PPP2R3A: variants seen among roughly 807,000 people sequenced by gnomAD.
PPP2R3A encodes the protein serine/threonine-protein phosphatase 2A regulatory subunit B'' subunit alpha.
PPP2R3A carries 80 observed loss-of-function variants against 106.9 expected under a neutral mutation model. That is an observed-to-expected ratio of 0.75 (90% CI 0.62 to 0.90). PPP2R3A has a LOEUF of 0.90. Ranked by LOEUF, PPP2R3A falls within the 40% of genes least tolerant of loss-of-function variation. PPP2R3A has a pLI of 0.00. For synonymous variants in PPP2R3A, 483 were observed against 468.3 expected (o/e 1.03, Z -0.41); for missense variants, 1,386 against 1,350.4 (o/e 1.03, Z -0.41).
chr3:136,142,198 C>T (rs1366210509), intron 13 of PPP2R3A, among the ~76,000 whole-genome samples: 1 of 152,144 alleles, frequency 6.6e-6, no homozygotes, highest in Admixed American at 6.5e-5. Flanking sequence ...GACGCACTGG[C>T]ATTGAAGGAG....
chr3:136,072,008 C>T (rs747099060), intron 6 of PPP2R3A, among the ~76,000 whole-genome samples: 4 of 151,990 alleles, frequency 2.6e-5, no homozygotes, highest in Non-Finnish European at 5.9e-5. Flanking sequence ...CTTCCTCTGC[C>T]CCCTCCCCCT....
chr3:136,040,212 T>C (rs187635926), intron 3 of PPP2R3A, among the ~76,000 whole-genome samples: 65 of 152,322 alleles, frequency 4.3e-4, no homozygotes, highest in Non-Finnish European at 7.4e-4. Context: ...TGACATTCAG[T>C]CATTTCTTTT....
At chr3:136,042,980 T>C (rs1202007764) in intron 4 of PPP2R3A, among the ~76,000 whole-genome samples, 2 of 152,062 alleles carry the variant, frequency 1.3e-5, no homozygotes, top group Non-Finnish European at 2.9e-5. Flanking sequence ...ATTTTTTTTT[T>C]TTGTAACATT....
At chr3:136,017,983 T>C (rs1247236758) in intron 2 of PPP2R3A, among the ~76,000 whole-genome samples, 2 of 152,190 alleles carry the variant, frequency 1.3e-5, no homozygotes, top group African/African-American at 4.8e-5. Context: ...AATAAAGGGC[T>C]AGGCCAGGCA....
rs1168402837 is a variant in PPP2R3A, at chr3:136,040,921, A to G, written c.2325A>G (p.Thr775=). 9.3e-6 allele frequency: 15 copies of G among 1,613,668 alleles called. No homozygotes were observed. The highest frequency in any genetic ancestry group is 1.7e-5 in the Admixed American group (1 of 59,962). ...TCAGGGCTGCAGGGGGAGAGAAGAC[A>G]GGATTTGTGACAGCACAGTCATTCA... is the stretch of plus-strand genomic sequence containing the variant. ...PMFRAAGGEK[T]GFVTAQSFIA... The change falls in exon 4 of 14, where the codon ACA becomes ACG. Residue 775 remains threonine (T), a synonymous_variant. Transcript: ENST00000264977.
chr3:136,003,111 A>T lies in PPP2R3A; in HGVS notation c.1613A>T (p.Asn538Ile). 3.1e-6 allele frequency: 5 copies of T among 1,611,142 alleles called. No individual in the cohort carries two copies. Among genetic ancestry groups the T allele is most frequent in the Non-Finnish European group, 4.2e-6 (5 of 1,179,290 alleles). Residue 538 changes from asparagine to isoleucine, a missense_variant, in exon 2 of 14, where the codon AAT becomes ATT. Physicochemically the swap from Asn to Ile is moderately radical, Grantham distance 149. Coordinates refer to ENST00000264977, the MANE Select transcript of PPP2R3A (RefSeq NM_002718.5). ...CCACTTGCGAAGGGTAAAAACTCTA[A>T]TTTTTTAAATAGTCACAGTCAGTTG... Reference protein sequence around the residue: ...REPLAKGKNSNFLNSHSQLTG... With the variant: ...REPLAKGKNSIFLNSHSQLTG...
intron 3 of PPP2R3A, among the ~76,000 whole-genome samples, chr3:136,037,827 T>C (rs898922356): frequency 6.6e-6 from 1 of 152,204 alleles, no homozygotes; most frequent in Non-Finnish European, 1.5e-5. Flanking sequence ...AAGTTTTCTT[T>C]GCTCCAGAAC....
intron 1 of PPP2R3A, among the ~76,000 whole-genome samples, chr3:135,987,997 T>TA (rs1199193454): frequency 3.3e-5 from 5 of 152,052 alleles, no homozygotes; most frequent in Non-Finnish European, 5.9e-5. Flanking sequence ...TTCATGACTT[T>TA]AAAAAAAGAC....
intron 13 of PPP2R3A, among the ~76,000 whole-genome samples, chr3:136,139,256 A>C (rs1027970711): frequency 1.3e-5 from 2 of 152,210 alleles, no homozygotes; most frequent in African/African-American, 4.8e-5. Context: ...AGGAATCTGC[A>C]GAGCCCGCCT....
At chr3:136,036,968 T>C (rs1935106552) in intron 3 of PPP2R3A, among the ~76,000 whole-genome samples, 1 of 152,262 alleles carries the variant, frequency 6.6e-6, no homozygotes, top group Non-Finnish European at 1.5e-5. Context: ...CAGCACTTAC[T>C]GTTCATATTC....
At chr3:136,006,980 C>G (rs947417933) in intron 2 of PPP2R3A, among the ~76,000 whole-genome samples, 1 of 152,186 alleles carries the variant, frequency 6.6e-6, no homozygotes, top group Non-Finnish European at 1.5e-5. Flanking sequence ...GAGTAAGAAG[C>G]CTACCTGTCC....
chr3:136,015,940 G>A (rs190165403), intron 2 of PPP2R3A, among the ~76,000 whole-genome samples: 4 of 152,086 alleles, frequency 2.6e-5, no homozygotes, highest in Non-Finnish European at 5.9e-5. Flanking sequence ...CAGACTTTTT[G>A]ATGCAGGCAT....
In PPP2R3A at chr3:136,017,014, A is replaced by G. The variant is rs1934301881; in HGVS notation, c.1996-9818A>G. On this transcript the variant is annotated intron_variant, in intron 2 of 13. Transcript: ENST00000264977. Reference sequence around the variant, plus strand: ...GCAGTTCTTGTAATGCAGGCTTGGTAGTGGTGAATTCTCTCAGCATTGGTT... The same window carrying G: ...GCAGTTCTTGTAATGCAGGCTTGGTGGTGGTGAATTCTCTCAGCATTGGTT... 2.0e-5 allele frequency among the ~76,000 whole-genome samples: 3 copies of G among 152,306 alleles called. No homozygotes were observed. In the South Asian group the frequency reaches 6.2e-4, roughly 32 times the overall value.
intron 13 of PPP2R3A, among the ~76,000 whole-genome samples, chr3:136,120,044 G>A (rs374850697): frequency 7.3e-5 from 11 of 151,274 alleles, no homozygotes; most frequent in African/African-American, 2.4e-4. Context: ...ATGAGTTCAC[G>A]TCCTTTGCAG....
chr3:136,107,613 C>T (rs1225082322), intron 13 of PPP2R3A, among the ~76,000 whole-genome samples: 1 of 151,918 alleles, frequency 6.6e-6, no homozygotes, highest in Admixed American at 6.6e-5. Context: ...CATTTTATAC[C>T]TCTACCATTC....
At chr3:135,993,752 C>T (rs1395219260) in intron 1 of PPP2R3A, among the ~76,000 whole-genome samples, 2 of 152,188 alleles carry the variant, frequency 1.3e-5, no homozygotes, top group Non-Finnish European at 2.9e-5. Flanking sequence ...GAATACTACT[C>T]AGCAGTGTAA....
chr3:136,110,011 A>T (rs931342636), intron 13 of PPP2R3A, among the ~76,000 whole-genome samples: 6 of 152,156 alleles, frequency 3.9e-5, no homozygotes, highest in African/African-American at 1.2e-4. Flanking sequence ...AAGGAAAGAC[A>T]AAAGCCCTGA....
At chr3:136,103,499 T>A in intron 12 of PPP2R3A, 123 bp downstream of exon 12, 1 of 690,010 alleles carries the variant, frequency 1.4e-6, no homozygotes, top group Non-Finnish European at 2.4e-6. Context: ...AACATTTCAT[T>A]AAAGACTAAA....
At chr3:136,053,753 T>G (rs540777702) in intron 5 of PPP2R3A, among the ~76,000 whole-genome samples, 3 of 152,306 alleles carry the variant, frequency 2.0e-5, no homozygotes, top group Admixed American at 2.0e-4. Context: ...TACTCTAAAA[T>G]AATGCCTGTC....
Sources: gnomAD v4.1 joint callset for allele counts (sites outside exome capture counted in the v4.1 genomes callset) on GRCh38, gnomAD v4.1.1 for gene constraint, MANE v1.5 for transcripts, NCBI Gene and HGNC (gene_info 2026-07-23, HGNC 2026-07-21) for gene names.